HS3ST3A1: variants seen among roughly 807,000 people sequenced by gnomAD.
HS3ST3A1 encodes the protein heparan sulfate-glucosamine 3-sulfotransferase 3A1.
HS3ST3A1 carries 19 observed loss-of-function variants against 25.7 expected under a neutral mutation model. That is an observed-to-expected ratio of 0.74 (90% CI 0.52 to 1.08). The LOEUF is 1.08. HS3ST3A1 is among the 50% of genes least tolerant of loss of function. The pLI, the probability that HS3ST3A1 is intolerant of heterozygous loss-of-function variation, is 0.00. For missense variants in HS3ST3A1, 459 were observed against 594.3 expected (o/e 0.77, Z 2.37); for synonymous variants, 226 against 278.6 (o/e 0.81, Z 1.88).
rs151145254 is a variant in HS3ST3A1, at chr17:13,536,464, C to A, written c.600-39646G>T. 9.8e-5 allele frequency among the ~76,000 whole-genome samples: 15 copies of A among 152,296 alleles called. No individual in the cohort carries two copies. In the East Asian group the frequency reaches 2.9e-3, roughly 29 times the overall value. ...CTTTCTGCTCCCCATCTCCTGGGTA[C>A]CCAAGAGAGTGGGTATTCCCCTCTG... is the stretch of plus-strand genomic sequence containing the variant. On this transcript the variant is annotated intron_variant, in intron 1 of 1. Transcript: ENST00000284110.
intron 1 of HS3ST3A1, among the ~76,000 whole-genome samples, chr17:13,525,465 ATGT>A (rs769321592): frequency 5.3e-5 from 8 of 151,384 alleles, no homozygotes; most frequent in African/African-American, 1.2e-4. Context: ...TTGTGTGCTG[ATGT>A]TGTTGTTTTC....
At chr17:13,535,007 CAA>C (rs1328904721) in intron 1 of HS3ST3A1, among the ~76,000 whole-genome samples, 2 of 148,752 alleles carry the variant, frequency 1.3e-5, no homozygotes, top group African/African-American at 5.2e-5. Context: ...GCTTGGGCAA[CAA>C]GAGCAAAACT....
chr17:13,520,618 C>CTT (rs112863523), intron 1 of HS3ST3A1, among the ~76,000 whole-genome samples: 1 of 147,766 alleles, frequency 6.8e-6, no homozygotes, highest in Non-Finnish European at 1.5e-5. Context: ...TTCTTTCTTT[C>CTT]TTTTTTTTTT....
At chr17:13,544,903 G>T (rs578144469) in intron 1 of HS3ST3A1, among the ~76,000 whole-genome samples, 105 of 152,304 alleles carry the variant, frequency 6.9e-4, no homozygotes, top group Middle Eastern at 3.4e-3. Context: ...GATGCTAAGC[G>T]GGGCGTTCAG....
rs142601821 is a variant in HS3ST3A1 at position 13,502,093 on chromosome 17, G to A, written c.600-5275C>T. ...AACATCATGCCACTCTACCGTGCTA[G>A]GGAATTCCATTCTGGATCTGATCTG... On this transcript the variant is annotated intron_variant, in intron 1 of 1. Coordinates refer to ENST00000284110, the MANE Select transcript of HS3ST3A1 (RefSeq NM_006042.3). 3.6e-3 allele frequency among the ~76,000 whole-genome samples: 550 copies of A among 152,246 alleles called. 2 individuals carry two copies. The highest frequency in any genetic ancestry group is 0.013 in the African/African-American group (525 of 41,546).
intron 1 of HS3ST3A1, among the ~76,000 whole-genome samples, chr17:13,591,147 G>A (rs1281697768): frequency 6.7e-6 from 1 of 149,194 alleles, no homozygotes; most frequent in Admixed American, 6.7e-5. Context: ...CCCGGGCTCT[G>A]GCCATCCTCT....
intron 1 of HS3ST3A1, among the ~76,000 whole-genome samples, chr17:13,592,773 T>G (rs1011400068): frequency 6.6e-6 from 1 of 151,998 alleles, no homozygotes; most frequent in East Asian, 1.9e-4. Context: ...CTGAGGGAGA[T>G]TTTCATTACT....
At chr17:13,587,379 A>G (rs1908304612) in intron 1 of HS3ST3A1, among the ~76,000 whole-genome samples, 2 of 152,204 alleles carry the variant, frequency 1.3e-5, no homozygotes, top group South Asian at 4.1e-4. Context: ...GCTTGAACCC[A>G]AGAGGCAGAG....
chr17:13,515,264 A>T (rs2142311603), intron 1 of HS3ST3A1, among the ~76,000 whole-genome samples: 1 of 152,250 alleles, frequency 6.6e-6, no homozygotes. Context: ...GGTTCAGGCG[A>T]TTCTCCCGCC....
At chr17:13,587,285 T>C (rs1038869250) in intron 1 of HS3ST3A1, among the ~76,000 whole-genome samples, 4 of 151,756 alleles carry the variant, frequency 2.6e-5, no homozygotes, top group Admixed American at 1.3e-4. Flanking sequence ...GAAACCCCAC[T>C]TCTACTAAAA....
At chr17:13,534,427 G>T (rs1175658255) in intron 1 of HS3ST3A1, among the ~76,000 whole-genome samples, 2 of 151,804 alleles carry the variant, frequency 1.3e-5, no homozygotes, top group East Asian at 3.9e-4. Context: ...CTGCAGTCCA[G>T]GTGTGGTGGC....
intron 1 of HS3ST3A1, among the ~76,000 whole-genome samples, chr17:13,567,972 T>A (rs1300236099): frequency 2.0e-5 from 3 of 152,120 alleles, no homozygotes; most frequent in African/African-American, 7.2e-5. Flanking sequence ...CGACTGGAGG[T>A]AAAATGCTAT....
chr17:13,535,485 A>G (rs1230845917), intron 1 of HS3ST3A1, among the ~76,000 whole-genome samples: 1 of 152,210 alleles, frequency 6.6e-6, no homozygotes, highest in Non-Finnish European at 1.5e-5. Context: ...ATTCAACCTC[A>G]GCTGCAAACC....
At chr17:13,600,473 C>T in intron 1 of HS3ST3A1, 58 bp downstream of exon 1, 1 of 1,492,804 alleles carries the variant, frequency 6.7e-7, no homozygotes, top group South Asian at 1.3e-5. Context: ...TCCTCCACGT[C>T]TTTCCCAGCC....
intron 1 of HS3ST3A1, among the ~76,000 whole-genome samples, chr17:13,539,794 A>T (rs997063086): frequency 6.6e-6 from 1 of 152,208 alleles, no homozygotes; most frequent in Admixed American, 6.5e-5. Flanking sequence ...TTAACACATG[A>T]TTTGTCGTTG....
At chr17:13,528,018 T>C (rs1330875549) in intron 1 of HS3ST3A1, among the ~76,000 whole-genome samples, 3 of 152,138 alleles carry the variant, frequency 2.0e-5, no homozygotes, top group East Asian at 1.9e-4. Context: ...AAGCAGTGCC[T>C]CCTGGGGTGG....
Position 13,495,293 on chromosome 17 carries a change from G to C in HS3ST3A1, c.*904C>G, listed in dbSNP as rs930204559. 1.3e-5 allele frequency among the ~76,000 whole-genome samples: 2 copies of C among 152,062 alleles called. No homozygotes were observed. The highest frequency in any genetic ancestry group is 4.8e-5 in the African/African-American group (2 of 41,414). Reference sequence around the variant, plus strand: ...ATTCAATCAAGCATTCATCAGTCAAGATTTCCATATCTCAGTGTACTTTAA... The same window carrying C: ...ATTCAATCAAGCATTCATCAGTCAACATTTCCATATCTCAGTGTACTTTAA... On this transcript the variant is annotated 3_prime_UTR_variant, in exon 2 of 2. Coordinates refer to ENST00000284110, the MANE Select transcript of HS3ST3A1 (RefSeq NM_006042.3).
intron 1 of HS3ST3A1, among the ~76,000 whole-genome samples, chr17:13,523,767 T>G (rs1422418820): frequency 6.6e-6 from 1 of 152,222 alleles, no homozygotes; most frequent in Non-Finnish European, 1.5e-5. Flanking sequence ...GATAGAGAAT[T>G]TATTTCAGAT....
chr17:13,591,139 C>T (rs558658142), intron 1 of HS3ST3A1, among the ~76,000 whole-genome samples: 18 of 151,510 alleles, frequency 1.2e-4, no homozygotes, highest in Non-Finnish European at 1.8e-4. Context: ...CTCTGCCTCC[C>T]GGGCTCTGGC....
Sources: gnomAD v4.1 joint callset for allele counts (sites outside exome capture counted in the v4.1 genomes callset) on GRCh38, gnomAD v4.1.1 for gene constraint, MANE v1.5 for transcripts, NCBI Gene and HGNC (gene_info 2026-07-23, HGNC 2026-07-21) for gene names.